Variants in SPIDR observed in about 807,000 individuals in gnomAD.
SPIDR encodes DNA repair-scaffolding protein.
In SPIDR, 93 loss-of-function variants were observed where a neutral mutation model predicts 104.6. The observed-to-expected ratio is 0.89, with a 90% CI of 0.75 to 1.06. The LOEUF (loss-of-function observed/expected upper bound fraction) is 1.06. Among genes scored for constraint, SPIDR ranks in the 50% least tolerant of loss-of-function variants. The pLI is 0.00. For missense variants in SPIDR, 1,154 were observed against 1,111.2 expected (o/e 1.04, Z -0.55); for synonymous variants, 431 against 416.9 (o/e 1.03, Z -0.41).
At position 47,706,382 on chromosome 8, in the gene SPIDR, G is replaced by A. The variant is rs1057153918; in HGVS notation, c.1977+4367G>A. On this transcript the variant is annotated intron_variant, in intron 14 of 19. Coordinates refer to ENST00000297423, the MANE Select transcript of SPIDR (RefSeq NM_001080394.4). ...CACTCCAGCCTGGGCGACAGAGTGAGACTCTGTCTCAACAACAACAACAAC... is the reference window on the plus strand; with the variant it reads ...CACTCCAGCCTGGGCGACAGAGTGAAACTCTGTCTCAACAACAACAACAAC... 6.6e-5 allele frequency among the ~76,000 whole-genome samples: 10 copies of A among 152,288 alleles called. No homozygotes were observed. The South Asian group carries it at 2.1e-3, about 32-fold the overall frequency.
chr8:47,388,545 G>A (rs1001722281), intron 5 of SPIDR: 4 of 154,188 alleles, frequency 2.6e-5, no homozygotes, highest in Non-Finnish European at 5.9e-5. Context: ...TTTGTCATTA[G>A]TGTAGCTTAA....
chr8:47,554,087 T>C (rs2090979209), intron 8 of SPIDR, among the ~76,000 whole-genome samples: 1 of 152,152 alleles, frequency 6.6e-6, no homozygotes, highest in Non-Finnish European at 1.5e-5. Context: ...ACGGCAAATG[T>C]TGCTGCCTGA....
chr8:47,372,994 A>G (rs2154296116), intron 5 of SPIDR, among the ~76,000 whole-genome samples: 1 of 152,290 alleles, frequency 6.6e-6, no homozygotes, highest in East Asian at 1.9e-4. Flanking sequence ...AAAGGAAGAG[A>G]TGATAAGGCT....
intron 10 of SPIDR, among the ~76,000 whole-genome samples, chr8:47,656,961 A>G (rs1417908347): frequency 6.6e-6 from 1 of 152,210 alleles, no homozygotes; most frequent in East Asian, 1.9e-4. Flanking sequence ...GAACAGGCAA[A>G]TCCATAGAGG....
At chr8:47,603,154 C>CT (rs11377854) in intron 10 of SPIDR, among the ~76,000 whole-genome samples, 100,264 of 147,656 alleles carry the variant, frequency 0.68, 33,930 homozygotes, top group East Asian at 0.8. Flanking sequence ...AAGCCATAGG[C>CT]TTTTTTTTTT....
chr8:47,500,245 T>G (rs1564151707), intron 8 of SPIDR, among the ~76,000 whole-genome samples: 1 of 152,210 alleles, frequency 6.6e-6, no homozygotes, highest in South Asian at 2.1e-4. Flanking sequence ...TTGAACTAGT[T>G]TACAGTCCCA....
At chr8:47,665,938 A>AT (rs1465711788) in intron 10 of SPIDR, among the ~76,000 whole-genome samples, 1 of 152,144 alleles carries the variant, frequency 6.6e-6, no homozygotes, top group Non-Finnish European at 1.5e-5. Context: ...AATTTTTTGC[A>AT]TTTTTTTATA....
At chr8:47,330,892 A>T in intron 5 of SPIDR, 2 of 426,710 alleles carry the variant, frequency 4.7e-6, no homozygotes, top group Non-Finnish European at 9.5e-6. Context: ...ATTGGATTGT[A>T]TTGGTAAGAG....
At chr8:47,307,607 C>G (rs2043325030) in intron 5 of SPIDR, among the ~76,000 whole-genome samples, 1 of 138,146 alleles carries the variant, frequency 7.2e-6, no homozygotes, top group African/African-American at 2.7e-5. Flanking sequence ...GGCACAGTCT[C>G]AACTCACTAC....
At chr8:47,360,199 G>A (rs1368435260) in intron 5 of SPIDR, among the ~76,000 whole-genome samples, 8 of 119,350 alleles carry the variant, frequency 6.7e-5, no homozygotes, top group Non-Finnish European at 1.1e-4. Context: ...CGGAGATCGC[G>A]CCACTGTGCT....
chr8:47,274,662 C>T (rs2036015012), intron 1 of SPIDR, among the ~76,000 whole-genome samples: 1 of 151,490 alleles, frequency 6.6e-6, no homozygotes, highest in Admixed American at 6.6e-5. Flanking sequence ...ACTGCAACCT[C>T]CGCCTCCTGG....
At chr8:47,505,084 C>T (rs1347994427) in intron 8 of SPIDR, among the ~76,000 whole-genome samples, 3 of 152,186 alleles carry the variant, frequency 2.0e-5, no homozygotes, top group Non-Finnish European at 2.9e-5. Context: ...GGGTCAGAGA[C>T]CCACTTGAGG....
chr8:47,428,508 A>T (rs2154338292), intron 7 of SPIDR, among the ~76,000 whole-genome samples: 1 of 152,332 alleles, frequency 6.6e-6, no homozygotes, highest in South Asian at 2.1e-4. Context: ...CAGAAAAGGT[A>T]GGTGTATGGT....
intron 8 of SPIDR, chr8:47,547,154 T>G: frequency 3.3e-6 from 2 of 604,404 alleles, no homozygotes; most frequent in Non-Finnish European, 6.4e-6. Flanking sequence ...GGGTAGCAGA[T>G]GATGCGAGCA....
intron 16 of SPIDR, among the ~76,000 whole-genome samples, chr8:47,721,497 A>T (rs2083385857): frequency 6.6e-6 from 1 of 150,522 alleles, no homozygotes. Flanking sequence ...TTTGAGACAG[A>T]GTCTTGCTCA....
At chr8:47,687,213 A>G (rs1431301203) in intron 11 of SPIDR, among the ~76,000 whole-genome samples, 3 of 152,224 alleles carry the variant, frequency 2.0e-5, no homozygotes, top group Non-Finnish European at 2.9e-5. Flanking sequence ...TAAATGTGAT[A>G]ATAATATAGC....
chr8:47,522,355 ATG>A (rs1348765607), intron 8 of SPIDR, among the ~76,000 whole-genome samples: 1 of 152,082 alleles, frequency 6.6e-6, no homozygotes, highest in Non-Finnish European at 1.5e-5. Flanking sequence ...ATTTACCCAC[ATG>A]TGTTTTCCCT....
chr8:47,481,749 A>G (rs1324639456), intron 8 of SPIDR, among the ~76,000 whole-genome samples: 1 of 152,208 alleles, frequency 6.6e-6, no homozygotes. Context: ...TGATTATATG[A>G]TTGACAAGGT....
At chr8:47,426,114 T>TG (rs2066370843) in intron 7 of SPIDR, among the ~76,000 whole-genome samples, 1 of 149,256 alleles carries the variant, frequency 6.7e-6, no homozygotes, top group South Asian at 2.1e-4. Flanking sequence ...TAACCAGCCA[T>TG]GGGGGCACAC....
Sources: gnomAD v4.1 joint callset for allele counts (sites outside exome capture counted in the v4.1 genomes callset) on GRCh38, gnomAD v4.1.1 for gene constraint, MANE v1.5 for transcripts, NCBI Gene and HGNC (gene_info 2026-07-23, HGNC 2026-07-21) for gene names.